SOX5: variants seen among roughly 807,000 people sequenced by gnomAD.
SOX5 encodes SRY-box transcription factor 5, also known as transcription factor SOX-5.
In SOX5, 9 loss-of-function variants were observed where a neutral mutation model predicts 92.0. That is an observed-to-expected ratio of 0.10 (90% CI 0.06 to 0.17). The LOEUF (loss-of-function observed/expected upper bound fraction) is 0.17, where lower values mean the gene tolerates loss of function less well. Among genes scored for constraint, SOX5 ranks in the 10% least tolerant of loss-of-function variants. The pLI, the probability that SOX5 is intolerant of heterozygous loss-of-function variation, is 1.00. For synonymous variants in SOX5, 344 were observed against 336.3 expected (o/e 1.02, Z -0.25); for missense variants, 642 against 944.5 (o/e 0.68, Z 4.20).
intron 3 of SOX5, among the ~76,000 whole-genome samples, chr12:23,833,575 T>A (rs1293568201): frequency 6.6e-6 from 1 of 152,012 alleles, no homozygotes; most frequent in Non-Finnish European, 1.5e-5. Context: ...AGTATTAAAG[T>A]CATTTAAAAG....
At position 23,676,095 on chromosome 12, in the gene SOX5, G is replaced by A. The variant is rs556456087; in HGVS notation, c.811-10531C>T. ...GGATGGTGAAAATGGGGAGATGTAG[G>A]TCAAAGGGGACTAAATTGCAGTTAT... On this transcript the variant is annotated intron_variant, in intron 6 of 14. Transcript: ENST00000451604. Among the ~76,000 whole-genome samples, 198 of 152,152 alleles carry A rather than the reference G, an allele frequency of 1.3e-3. 1 individual carries two copies. Among genetic ancestry groups the A allele is most frequent in the Non-Finnish European group, 2.2e-3 (152 of 67,982 alleles).
chr12:24,292,377 T>C (rs990524892), intron 2 of SOX5, among the ~76,000 whole-genome samples: 7 of 152,194 alleles, frequency 4.6e-5, no homozygotes, highest in African/African-American at 1.4e-4. Flanking sequence ...GTTGCATAAA[T>C]AAAATTTTTG....
chr12:23,931,163 TAATGTCC>T (rs1941318447), intron 1 of SOX5, among the ~76,000 whole-genome samples: 1 of 151,814 alleles, frequency 6.6e-6, no homozygotes, highest in Non-Finnish European at 1.5e-5. Context: ...AAATCTGTTC[TAATGTCC>T]AAGTGCTATT....
intron 1 of SOX5, among the ~76,000 whole-genome samples, chr12:24,549,647 C>A (rs141257860): frequency 6.6e-6 from 1 of 152,256 alleles, no homozygotes; most frequent in Non-Finnish European, 1.5e-5. Flanking sequence ...TGGGAGTCAT[C>A]TGAAAATCTC....
At chr12:23,936,213 G>C (rs1942525007) in intron 1 of SOX5, among the ~76,000 whole-genome samples, 1 of 150,932 alleles carries the variant, frequency 6.6e-6, no homozygotes, top group Admixed American at 6.6e-5. Flanking sequence ...ACTGTGTGTA[G>C]TATCAGCTGG....
At chr12:23,613,447 TATGGTGGTTCCTCAAAAAATTA>T (rs1414315198) in intron 8 of SOX5, among the ~76,000 whole-genome samples, 2 of 152,018 alleles carry the variant, frequency 1.3e-5, no homozygotes, top group African/African-American at 4.8e-5. Context: ...TGAAAAATAA[TATGGTGGTTCCTCAAAAAATTA>T]ATGATAGAAT....
intron 4 of SOX5, among the ~76,000 whole-genome samples, chr12:24,178,246 T>G (rs977663766): frequency 2.4e-4 from 3 of 12,576 alleles, no homozygotes; most frequent in Non-Finnish European, 5.3e-4. Flanking sequence ...GAGCTTGACT[T>G]TTTTTTTTTT....
intron 4 of SOX5, among the ~76,000 whole-genome samples, chr12:24,111,670 T>C (rs997239877): frequency 1.3e-5 from 2 of 151,944 alleles, no homozygotes; most frequent in Non-Finnish European, 2.9e-5. Flanking sequence ...TCACTAATAT[T>C]TTATTTAAAA....
At chr12:23,701,876 A>T (rs1425444212) in intron 6 of SOX5, among the ~76,000 whole-genome samples, 2 of 152,086 alleles carry the variant, frequency 1.3e-5, no homozygotes, top group Non-Finnish European at 2.9e-5. Flanking sequence ...TTGTTATCAC[A>T]TACCCTTTCT....
intron 4 of SOX5, among the ~76,000 whole-genome samples, chr12:23,979,909 CTGGCCAGACAGA>C (rs1381001818): frequency 4.2e-4 from 20 of 48,058 alleles, no homozygotes; most frequent in African/African-American, 1.5e-3. Flanking sequence ...GGCTGGCTGG[CTGGCCAGACAGA>C]CAGACAGACA....
At chr12:23,923,163 T>G (rs1040988697) in intron 1 of SOX5, among the ~76,000 whole-genome samples, 1 of 152,052 alleles carries the variant, frequency 6.6e-6, no homozygotes, top group African/African-American at 2.4e-5. Flanking sequence ...GCCAGGATGG[T>G]CTCAATCTCC....
intron 2 of SOX5, among the ~76,000 whole-genome samples, chr12:24,300,763 G>A (rs750864686): frequency 6.6e-6 from 1 of 152,102 alleles, no homozygotes; most frequent in Non-Finnish European, 1.5e-5. Flanking sequence ...TAGTCTACAC[G>A]TCACCACAAC....
chr12:23,624,328 A>G (rs1441972875), intron 8 of SOX5, among the ~76,000 whole-genome samples: 1 of 152,320 alleles, frequency 6.6e-6, no homozygotes, highest in Non-Finnish European at 1.5e-5. Flanking sequence ...AAAATGGTTA[A>G]TATGGTAAAT....
At chr12:23,656,394 T>A (rs2082308281) in intron 7 of SOX5, among the ~76,000 whole-genome samples, 1 of 152,064 alleles carries the variant, frequency 6.6e-6, no homozygotes, top group African/African-American at 2.4e-5. Flanking sequence ...TATCACATAC[T>A]AGAAATGGAA....
chr12:23,832,652 C>G (rs779376007), intron 3 of SOX5, among the ~76,000 whole-genome samples: 2 of 151,940 alleles, frequency 1.3e-5, no homozygotes, highest in African/African-American at 2.4e-5. Context: ...TCTCCTTCAA[C>G]AATCCCCTGA....
chr12:24,215,213 C>T (rs570819414), intron 3 of SOX5, among the ~76,000 whole-genome samples: 34 of 152,196 alleles, frequency 2.2e-4, no homozygotes, highest in African/African-American at 7.5e-4. Flanking sequence ...TTGCTCATAC[C>T]ACTTTTATTC....
intron 1 of SOX5, among the ~76,000 whole-genome samples, chr12:24,475,743 A>C (rs1945296300): frequency 6.6e-6 from 1 of 152,238 alleles, no homozygotes; most frequent in Non-Finnish European, 1.5e-5. Flanking sequence ...GCACTTTGGG[A>C]GGCCAAGGCC....
At chr12:24,122,021 T>C (rs1252045392) in intron 4 of SOX5, among the ~76,000 whole-genome samples, 1 of 151,628 alleles carries the variant, frequency 6.6e-6, no homozygotes, top group Non-Finnish European at 1.5e-5. Flanking sequence ...GGGCTGATGA[T>C]TAACAACAGA....
At chr12:24,264,025 T>C (rs894504733) in intron 3 of SOX5, among the ~76,000 whole-genome samples, 1 of 152,232 alleles carries the variant, frequency 6.6e-6, no homozygotes, top group Non-Finnish European at 1.5e-5. Flanking sequence ...CCTCATAGTC[T>C]TCAGGCTTGA....
Sources: gnomAD v4.1 joint callset for allele counts (sites outside exome capture counted in the v4.1 genomes callset) on GRCh38, gnomAD v4.1.1 for gene constraint, MANE v1.5 for transcripts, NCBI Gene and HGNC (gene_info 2026-07-23, HGNC 2026-07-21) for gene names.